MOB3B: variants seen among roughly 807,000 people sequenced by gnomAD.
The protein encoded by MOB3B is MOB kinase activator-like 2B.
A neutral mutation model predicts 18.7 loss-of-function variants in MOB3B; 7 were observed. The observed-to-expected ratio is 0.37, with a 90% CI of 0.21 to 0.70. The LOEUF (loss-of-function observed/expected upper bound fraction) is 0.70, where lower values mean the gene tolerates loss of function less well. Ranked by LOEUF, MOB3B falls within the 30% of genes least tolerant of loss-of-function variation. The probability of loss-of-function intolerance (pLI) is 0.52; values close to 1 mark genes in which losing one functional copy is unlikely to be tolerated. For synonymous variants in MOB3B, 111 were observed against 99.9 expected (o/e 1.11, Z -0.66); for missense variants, 253 against 281.3 (o/e 0.90, Z 0.72).
chr9:27,493,505 G>A (rs1157830376), intron 1 of MOB3B, among the ~76,000 whole-genome samples: 2 of 152,102 alleles, frequency 1.3e-5, no homozygotes, highest in East Asian at 1.9e-4. Context: ...GCCAGGCATC[G>A]TAGTGGGTGC....
chr9:27,497,308 T>C (rs1346574565), intron 1 of MOB3B, among the ~76,000 whole-genome samples: 1 of 152,170 alleles, frequency 6.6e-6, no homozygotes, highest in Admixed American at 6.5e-5. Flanking sequence ...AATGTCTTTA[T>C]CACAACATTG....
At chr9:27,333,591 T>C (rs1820820470) in intron 3 of MOB3B, among the ~76,000 whole-genome samples, 1 of 152,202 alleles carries the variant, frequency 6.6e-6, no homozygotes, top group Non-Finnish European at 1.5e-5. Flanking sequence ...ATTAAAAGGC[T>C]TCCGCTGAGG....
chr9:27,359,187 G>C lies in MOB3B; in HGVS notation c.468C>G (p.Cys156Trp). ...NFLQICKKIL[C>W]RLFRVFVHVY... ...CGTGGACAAAGACCCGGAAAAGGCGGCACAGGATCTTCTTGCAGATCTGAA... is the reference window on the plus strand; with the variant it reads ...CGTGGACAAAGACCCGGAAAAGGCGCCACAGGATCTTCTTGCAGATCTGAA... The change falls in exon 3 of 4, where the codon TGC (cysteine) becomes TGG (tryptophan). Residue 156 changes from cysteine (C) to tryptophan (W), a missense_variant. Transcript: ENST00000262244. 1 of 1,614,200 alleles carries C rather than the reference G, an allele frequency of 6.2e-7. No homozygotes were observed. Among genetic ancestry groups the C allele is most frequent in the African/African-American group, 1.3e-5 (1 of 75,044 alleles).
chr9:27,419,026 C>A (rs1162913402), intron 2 of MOB3B, among the ~76,000 whole-genome samples: 3 of 125,124 alleles, frequency 2.4e-5, no homozygotes, highest in Non-Finnish European at 5.0e-5. Flanking sequence ...AGCGGGGAAT[C>A]AAATCAAGAA....
chr9:27,407,916 A>G (rs11787669), intron 2 of MOB3B, among the ~76,000 whole-genome samples: 11,171 of 151,148 alleles, frequency 0.074, 504 homozygotes, highest in South Asian at 0.12. Context: ...GCATTCTTTG[A>G]TAATCCATCA....
chr9:27,513,215 AC>A (rs1820172406), intron 1 of MOB3B, among the ~76,000 whole-genome samples: 2 of 152,116 alleles, frequency 1.3e-5, no homozygotes, highest in African/African-American at 2.4e-5. Flanking sequence ...ACCCAAATAT[AC>A]CCTAAGTAAC....
chr9:27,501,465 C>G (rs1478706889), intron 1 of MOB3B, among the ~76,000 whole-genome samples: 1 of 151,998 alleles, frequency 6.6e-6, no homozygotes, highest in Non-Finnish European at 1.5e-5. Context: ...ATGGAGGAAG[C>G]TGGCAACCAT....
At chr9:27,462,583 T>C (rs943766395) in intron 1 of MOB3B, among the ~76,000 whole-genome samples, 1 of 152,044 alleles carries the variant, frequency 6.6e-6, no homozygotes, top group African/African-American at 2.4e-5. Flanking sequence ...ATGATATCAC[T>C]CTGAACCTTC....
At chr9:27,378,063 A>G (rs1563853869) in intron 2 of MOB3B, among the ~76,000 whole-genome samples, 1 of 152,232 alleles carries the variant, frequency 6.6e-6, no homozygotes. Flanking sequence ...TCTTCCTGCA[A>G]TCTATGAGGT....
rs1245415682 is a variant in MOB3B, at chr9:27,328,822, G to A, written c.*1765C>T. ...TCTGTGATGGTCAGATATTCTTTTG[G>A]CCAAAAGAGATGTAGGGAAAAAACT... is the stretch of plus-strand genomic sequence containing the variant. On this transcript the variant is annotated 3_prime_UTR_variant, in exon 4 of 4. Transcript: ENST00000262244. 6.6e-6 allele frequency: 1 copy of A among 152,508 alleles called. No homozygotes were observed. Among genetic ancestry groups the A allele is most frequent in the African/African-American group, 2.4e-5 (1 of 41,376 alleles). 9.4% of individuals were successfully genotyped at this position (152,508 alleles called of 1,614,324 possible).
intron 1 of MOB3B, among the ~76,000 whole-genome samples, chr9:27,513,273 T>C (rs887308173): frequency 6.6e-6 from 1 of 152,142 alleles, no homozygotes; most frequent in Admixed American, 6.5e-5. Context: ...CCATCTCTAC[T>C]GCTCCCACCT....
intron 1 of MOB3B, among the ~76,000 whole-genome samples, chr9:27,511,460 C>T (rs1244287905): frequency 2.4e-4 from 36 of 152,194 alleles, no homozygotes; most frequent in Admixed American, 2.2e-3. Context: ...ATGCATGCTT[C>T]ATGCCCAGTT....
intron 2 of MOB3B, among the ~76,000 whole-genome samples, chr9:27,432,157 G>C (rs1822426781): frequency 6.6e-6 from 1 of 152,188 alleles, no homozygotes. Flanking sequence ...TCACAGAAAA[G>C]AGTAGTAGAT....
At chr9:27,414,210 C>T (rs186734969) in intron 2 of MOB3B, among the ~76,000 whole-genome samples, 7 of 152,308 alleles carry the variant, frequency 4.6e-5, no homozygotes, top group East Asian at 3.9e-4. Context: ...TCTACATATA[C>T]GATTAAATGG....
chr9:27,495,431 C>T (rs117484704), intron 1 of MOB3B, among the ~76,000 whole-genome samples: 4,283 of 152,198 alleles, frequency 0.028, 100 homozygotes, highest in Non-Finnish European at 0.04. Context: ...TTAGCTACTC[C>T]ATCCCTGTTC....
At chr9:27,511,761 T>C (rs1176919784) in intron 1 of MOB3B, among the ~76,000 whole-genome samples, 5 of 152,172 alleles carry the variant, frequency 3.3e-5, no homozygotes, top group African/African-American at 1.2e-4. Flanking sequence ...TTTCTTTTAA[T>C]CTCTATTGGG....
chr9:27,354,553 T>C (rs1050155568), intron 3 of MOB3B, among the ~76,000 whole-genome samples: 8 of 152,190 alleles, frequency 5.3e-5, no homozygotes, highest in African/African-American at 1.7e-4. Context: ...AGTCCCAACA[T>C]GGAAATGGGT....
At chr9:27,446,035 C>G (rs1264697215) in intron 2 of MOB3B, among the ~76,000 whole-genome samples, 1 of 152,184 alleles carries the variant, frequency 6.6e-6, no homozygotes, top group Non-Finnish European at 1.5e-5. Flanking sequence ...ACTAACAACT[C>G]TGGCTCCAGT....
intron 2 of MOB3B, among the ~76,000 whole-genome samples, chr9:27,371,081 A>C (rs1324644842): frequency 6.6e-6 from 1 of 152,218 alleles, no homozygotes. Flanking sequence ...ATTTGCATTG[A>C]TGTGGTTATT....
Sources: allele counts gnomAD v4.1 joint callset (sites outside exome capture counted in the v4.1 genomes callset), GRCh38; gene constraint gnomAD v4.1.1; transcripts MANE v1.5; gene names NCBI Gene and HGNC (gene_info 2026-07-23, HGNC 2026-07-21).